The following LRRC4C variants were observed in gnomAD, a reference collection of about 807,000 sequenced individuals.
LRRC4C encodes the protein leucine rich repeat containing 4C, also known as leucine-rich repeat-containing protein 4C.
In LRRC4C, 5 loss-of-function variants were observed where a neutral mutation model predicts 33.6. The observed-to-expected ratio is 0.15, with a 90% CI of 0.08 to 0.31. The LOEUF is 0.31. LRRC4C is among the 10% of genes least tolerant of loss of function. LRRC4C has a pLI of 1.00. For missense variants in LRRC4C, 560 were observed against 796.7 expected (o/e 0.70, Z 3.58); for synonymous variants, 329 against 302.0 (o/e 1.09, Z -0.93).
intron 1 of LRRC4C, among the ~76,000 whole-genome samples, chr11:40,958,868 A>G (rs533189143): frequency 8.4e-4 from 128 of 151,820 alleles, no homozygotes; most frequent in Non-Finnish European, 1.6e-3. Flanking sequence ...GCCTGTATCC[A>G]CCTAACATGT....
chr11:41,298,038 T>C (rs1442218183), intron 1 of LRRC4C, among the ~76,000 whole-genome samples: 1 of 152,172 alleles, frequency 6.6e-6, no homozygotes, highest in Non-Finnish European at 1.5e-5. Flanking sequence ...CTAATAGGAA[T>C]ACCGACAGGT....
intron 4 of LRRC4C, among the ~76,000 whole-genome samples, chr11:40,258,400 A>C (rs1329510302): frequency 6.6e-6 from 1 of 152,210 alleles, no homozygotes; most frequent in East Asian, 1.9e-4. Flanking sequence ...TAATTATTTC[A>C]AATATCCCAT....
intron 3 of LRRC4C, among the ~76,000 whole-genome samples, chr11:40,340,914 T>A (rs969024640): frequency 1.3e-5 from 2 of 152,110 alleles, no homozygotes; most frequent in African/African-American, 4.8e-5. Flanking sequence ...TGGGTGAAGG[T>A]TTGAAGGTCA....
chr11:40,555,349 G>A (rs1453611991), intron 3 of LRRC4C, among the ~76,000 whole-genome samples: 1 of 150,410 alleles, frequency 6.6e-6, no homozygotes, highest in Non-Finnish European at 1.5e-5. Context: ...TGTATATTTG[G>A]GGTAAAATCA....
chr11:41,458,871 C>T (rs1226899902), intron 1 of LRRC4C, among the ~76,000 whole-genome samples: 1 of 151,976 alleles, frequency 6.6e-6, no homozygotes, highest in Non-Finnish European at 1.5e-5. Context: ...TTCTCATTTG[C>T]TCCAATTAAG....
intron 2 of LRRC4C, among the ~76,000 whole-genome samples, chr11:40,777,179 G>A (rs145420244): frequency 3.9e-5 from 6 of 152,214 alleles, no homozygotes; most frequent in South Asian, 2.1e-4. Context: ...CCATGTGCAC[G>A]TAAGAATGTA....
At chr11:40,335,015 A>T (rs1415597061) in intron 3 of LRRC4C, among the ~76,000 whole-genome samples, 2 of 152,154 alleles carry the variant, frequency 1.3e-5, no homozygotes, top group Non-Finnish European at 2.9e-5. Flanking sequence ...TATAACTTTT[A>T]AAATAACTAA....
chr11:40,782,601 A>G (rs1251142114), intron 2 of LRRC4C, among the ~76,000 whole-genome samples: 2 of 152,212 alleles, frequency 1.3e-5, no homozygotes, highest in African/African-American at 2.4e-5. Context: ...TGGTACAAGC[A>G]TAAATTCAAA....
chr11:41,091,802 G>A (rs745371420), intron 1 of LRRC4C, among the ~76,000 whole-genome samples: 20 of 152,186 alleles, frequency 1.3e-4, no homozygotes, highest in Middle Eastern at 3.4e-3. Flanking sequence ...GGTGGCTGGC[G>A]TGTAATTTAA....
chr11:40,364,016 G>A (rs1488341760), intron 3 of LRRC4C, among the ~76,000 whole-genome samples: 1 of 152,046 alleles, frequency 6.6e-6, no homozygotes, highest in East Asian at 1.9e-4. Flanking sequence ...AAGACTAATG[G>A]ATATTCTGTA....
intron 2 of LRRC4C, among the ~76,000 whole-genome samples, chr11:40,755,582 C>A (rs559629726): frequency 2.0e-5 from 3 of 151,966 alleles, no homozygotes; most frequent in African/African-American, 7.3e-5. Context: ...TTTGGCAATG[C>A]CTGGAGATAC....
chr11:41,324,992 G>C (rs1016750377), intron 1 of LRRC4C, among the ~76,000 whole-genome samples: 1 of 152,128 alleles, frequency 6.6e-6, no homozygotes, highest in African/African-American at 2.4e-5. Context: ...ATAAATTTTT[G>C]TTAATGGTGA....
intron 1 of LRRC4C, among the ~76,000 whole-genome samples, chr11:41,143,156 A>G (rs1156361989): frequency 6.6e-6 from 1 of 152,120 alleles, no homozygotes; most frequent in African/African-American, 2.4e-5. Flanking sequence ...CTCTGAAGCA[A>G]TGCAGAATAC....
chr11:40,669,508 T>C (rs1311484536), intron 2 of LRRC4C, among the ~76,000 whole-genome samples: 1 of 152,198 alleles, frequency 6.6e-6, no homozygotes, highest in African/African-American at 2.4e-5. Flanking sequence ...ATTTCTCCTT[T>C]CTCTCCTAAC....
At chr11:41,042,130 C>A (rs1394880280) in intron 1 of LRRC4C, among the ~76,000 whole-genome samples, 1 of 152,126 alleles carries the variant, frequency 6.6e-6, no homozygotes, top group Non-Finnish European at 1.5e-5. Context: ...TTGTATATCT[C>A]CTCTTTGATA....
In LRRC4C at chr11:40,836,646, T is replaced by G. The variant is rs539516877; in HGVS notation, c.-407+96989A>C. On this transcript the variant is annotated intron_variant, in intron 2 of 6. Coordinates refer to ENST00000528697, the MANE Select transcript of LRRC4C (RefSeq NM_001258419.2). ...CCCATAGGGTTTTGCTGTTGTTGTT[T>G]AAGCACTGGCTTTGGATTTAGGCCA... Among the ~76,000 whole-genome samples, 12 of 152,284 alleles carry G rather than the reference T, an allele frequency of 7.9e-5. No individual in the cohort carries two copies. In the South Asian group the frequency reaches 2.3e-3, roughly 29 times the overall value.
chr11:41,160,675 A>G (rs1480298568), intron 1 of LRRC4C, among the ~76,000 whole-genome samples: 1 of 152,196 alleles, frequency 6.6e-6, no homozygotes, highest in African/African-American at 2.4e-5. Flanking sequence ...GGCTGGCTAT[A>G]TAAAAATAAA....
intron 2 of LRRC4C, among the ~76,000 whole-genome samples, chr11:40,826,834 C>T (rs1952188340): frequency 1.3e-5 from 2 of 151,806 alleles, no homozygotes; most frequent in Non-Finnish European, 2.9e-5. Context: ...TAAAATATTG[C>T]CTTATGCACA....
chr11:41,099,049 A>G (rs960383163), intron 1 of LRRC4C, among the ~76,000 whole-genome samples: 1 of 152,144 alleles, frequency 6.6e-6, no homozygotes, highest in African/African-American at 2.4e-5. Flanking sequence ...AGAGACTGTG[A>G]TGAATACCTC....
Sources: allele counts gnomAD v4.1 joint callset (sites outside exome capture counted in the v4.1 genomes callset), GRCh38; gene constraint gnomAD v4.1.1; transcripts MANE v1.5; gene names NCBI Gene and HGNC (gene_info 2026-07-23, HGNC 2026-07-21).